The following ARMH3 variants were observed in gnomAD, a reference collection of about 807,000 sequenced individuals.
ARMH3 encodes armadillo-like helical domain-containing protein 3.
In ARMH3, 60 loss-of-function variants were observed where a neutral mutation model predicts 99.1. The ratio of observed to expected loss-of-function variants is 0.61; its 90% CI spans 0.49 to 0.75. The LOEUF is 0.75. Among genes scored for constraint, ARMH3 ranks in the 30% least tolerant of loss-of-function variants. ARMH3 has a pLI of 0.00. For missense variants in ARMH3, 679 were observed against 843.1 expected (o/e 0.81, Z 2.41); for synonymous variants, 285 against 292.8 (o/e 0.97, Z 0.27).
intron 23 of ARMH3, among the ~76,000 whole-genome samples, chr10:101,926,479 T>C (rs75905271): frequency 0.059 from 8,913 of 152,234 alleles, 276 homozygotes; most frequent in African/African-American, 0.068. Flanking sequence ...TTTAGAGTGA[T>C]TGAATATCTG....
At chr10:101,879,112 CTCCT>C (rs2067344932) in intron 24 of ARMH3, among the ~76,000 whole-genome samples, 1 of 152,170 alleles carries the variant, frequency 6.6e-6, no homozygotes, top group Non-Finnish European at 1.5e-5. Context: ...TATCTTCACT[CTCCT>C]TCCTTCTTTC....
chr10:101,898,525 C>A (rs1264195645), intron 23 of ARMH3, among the ~76,000 whole-genome samples: 1 of 152,108 alleles, frequency 6.6e-6, no homozygotes, highest in African/African-American at 2.4e-5. Context: ...CAGAACATGG[C>A]GATTGTTTCA....
At chr10:101,921,761 A>C (rs1843314714) in intron 23 of ARMH3, among the ~76,000 whole-genome samples, 1 of 152,226 alleles carries the variant, frequency 6.6e-6, no homozygotes, top group Non-Finnish European at 1.5e-5. Flanking sequence ...GTTCTCACTC[A>C]TAGGTAGTAG....
intron 19 of ARMH3, among the ~76,000 whole-genome samples, chr10:101,983,319 T>C (rs952050487): frequency 6.6e-5 from 10 of 152,202 alleles, no homozygotes; most frequent in Admixed American, 2.6e-4. Context: ...TCTCACTCTG[T>C]CACCTAGGCT....
Position 102,038,995 on chromosome 10 carries a change from C to T in ARMH3, c.102+1018G>A, listed in dbSNP as rs568897139. Among the ~76,000 whole-genome samples the T allele has an allele frequency of 5.3e-5, 8 of 152,236 alleles. No individual in the cohort carries two copies. The South Asian group carries it at 1.7e-3, about 32-fold the overall frequency. On this transcript the variant is annotated intron_variant, in intron 2 of 25. Coordinates refer to ENST00000370033, the MANE Select transcript of ARMH3 (RefSeq NM_024541.3). Reference sequence around the variant, plus strand: ...GGGCTCAAGAGATCCACCCACTCAGCCTCCCAAAGTGCTAGGATTACAGGC... The same window carrying T: ...GGGCTCAAGAGATCCACCCACTCAGTCTCCCAAAGTGCTAGGATTACAGGC...
At chr10:102,053,372 C>A (rs1002718483) in intron 1 of ARMH3, among the ~76,000 whole-genome samples, 49 of 152,018 alleles carry the variant, frequency 3.2e-4, no homozygotes, top group African/African-American at 1.2e-3. Context: ...CCTCACCAAG[C>A]CTTTGCAAGT....
At chr10:102,024,792 C>T (rs1324740810) in intron 6 of ARMH3, among the ~76,000 whole-genome samples, 1 of 151,240 alleles carries the variant, frequency 6.6e-6, no homozygotes, top group Non-Finnish European at 1.5e-5. Context: ...GCACTCCAGC[C>T]TGGGCGACGG....
At chr10:101,902,918 G>T (rs981662521) in intron 23 of ARMH3, among the ~76,000 whole-genome samples, 4 of 152,090 alleles carry the variant, frequency 2.6e-5, no homozygotes, top group Admixed American at 6.5e-5. Context: ...AGATTCCAGA[G>T]TAAGAAAATG....
At chr10:101,996,937 C>G (rs553168917) in intron 15 of ARMH3, among the ~76,000 whole-genome samples, 2 of 151,924 alleles carry the variant, frequency 1.3e-5, no homozygotes, top group Admixed American at 1.3e-4. Context: ...AGAAAAATCC[C>G]AAGTAATAAA....
At chr10:101,923,602 T>C (rs146212987) in intron 23 of ARMH3, among the ~76,000 whole-genome samples, 4 of 152,350 alleles carry the variant, frequency 2.6e-5, no homozygotes, top group Non-Finnish European at 4.4e-5. Context: ...AAGAGCATCT[T>C]CTTTCTCAGT....
At chr10:101,874,068 AT>A (rs1243885098) in intron 24 of ARMH3, among the ~76,000 whole-genome samples, 1 of 152,124 alleles carries the variant, frequency 6.6e-6, no homozygotes, top group Non-Finnish European at 1.5e-5. Context: ...GCATTAGTTT[AT>A]TTATATAAAA....
Position 101,931,113 on chromosome 10 carries a change from C to T in ARMH3, c.1781+8750G>A, listed in dbSNP as rs117069511. ...CAGAGGAATGAGCAAACCTAAGAAA[C>T]AAAAAGGAATGGAAATATGTAGGAA... On this transcript the variant is annotated intron_variant, in intron 23 of 25. Coordinates refer to ENST00000370033, the MANE Select transcript of ARMH3 (RefSeq NM_024541.3). Among the ~76,000 whole-genome samples, 715 of 152,162 alleles carry T rather than the reference C, an allele frequency of 4.7e-3. 3 individuals are homozygous for T. Among genetic ancestry groups the T allele is most frequent in the Admixed American group, 9.4e-3 (144 of 15,290 alleles).
At chr10:101,934,747 T>C (rs1843877346) in intron 23 of ARMH3, among the ~76,000 whole-genome samples, 1 of 152,190 alleles carries the variant, frequency 6.6e-6, no homozygotes, top group Admixed American at 6.6e-5. Flanking sequence ...TCAAATTACT[T>C]ACCCTGAAAG....
chr10:102,020,458 C>T (rs1322089628), intron 8 of ARMH3, among the ~76,000 whole-genome samples: 4 of 151,906 alleles, frequency 2.6e-5, no homozygotes, highest in Admixed American at 2.6e-4. Flanking sequence ...GGGTGGATCA[C>T]GAGGTCAGGA....
chr10:101,853,195 C>T (rs2066648002), intron 24 of ARMH3, among the ~76,000 whole-genome samples: 1 of 152,036 alleles, frequency 6.6e-6, no homozygotes, highest in South Asian at 2.1e-4. Flanking sequence ...CCGGCCTTCC[C>T]TGGCCCTTTC....
intron 2 of ARMH3, among the ~76,000 whole-genome samples, chr10:102,034,471 C>T (rs754088831): frequency 1.4e-4 from 21 of 151,660 alleles, no homozygotes; most frequent in Non-Finnish European, 3.1e-4. Context: ...CCCATCTCTA[C>T]TAAAAATACA....
chr10:102,002,005 T>TA lies in ARMH3; in HGVS notation c.1115dup (p.Leu372PhefsTer4), dbSNP rs1368061450. ...CCTGCATGACAATTGAGCTATACTT[T>TA]AAAAAGGTTATCAGTAGATTACTGG... On this transcript the variant is annotated frameshift_variant, in exon 15 of 26. Coordinates refer to ENST00000370033, the MANE Select transcript of ARMH3 (RefSeq NM_024541.3). LOFTEE classifies it high-confidence loss of function. The TA allele has an allele frequency of 6.2e-7, 1 of 1,614,068 alleles. No individual in the cohort carries two copies. Among genetic ancestry groups the TA allele is most frequent in the African/African-American group, 1.3e-5 (1 of 74,936 alleles).
intron 24 of ARMH3, among the ~76,000 whole-genome samples, chr10:101,860,981 G>T (rs1220988330): frequency 6.6e-6 from 1 of 152,100 alleles, no homozygotes; most frequent in African/African-American, 2.4e-5. Context: ...AATAAAAATA[G>T]CCAGACATAT....
chr10:101,896,867 G>A (rs965994632), intron 23 of ARMH3, among the ~76,000 whole-genome samples: 1 of 152,178 alleles, frequency 6.6e-6, no homozygotes, highest in Non-Finnish European at 1.5e-5. Flanking sequence ...GACTGGTGCT[G>A]AAGGGCACAT....
Sources: allele counts gnomAD v4.1 joint callset (sites outside exome capture counted in the v4.1 genomes callset), GRCh38; gene constraint gnomAD v4.1.1; transcripts MANE v1.5; gene names NCBI Gene and HGNC (gene_info 2026-07-23, HGNC 2026-07-21).